Variants in ZNF184 observed in about 807,000 individuals in gnomAD.
ZNF184 encodes zinc finger protein 184 (Kruppel-like).
In ZNF184, 16 loss-of-function variants were observed where a neutral mutation model predicts 54.4. The ratio of observed to expected loss-of-function variants is 0.29; its 90% CI spans 0.20 to 0.45. The LOEUF is 0.45. Ranked by LOEUF, ZNF184 falls within the 20% of genes least tolerant of loss-of-function variation. The pLI is 1.00. For missense variants in ZNF184, 681 were observed against 888.2 expected, an observed-to-expected ratio of 0.77 and a Z score of 2.97; for synonymous variants, 254 against 295.3, an observed-to-expected ratio of 0.86 and a Z score of 1.43.
intron 3 of ZNF184, among the ~76,000 whole-genome samples, chr6:27,463,878 A>G (rs751587178): frequency 6.6e-6 from 1 of 151,986 alleles, no homozygotes; most frequent in Non-Finnish European, 1.5e-5. Flanking sequence ...CAGCAGACCT[A>G]CACTACAAGA....
In ZNF184 at chr6:27,472,095, T is replaced by G. The variant is rs1013770630; in HGVS notation, c.7+193A>C. On this transcript the variant is annotated intron_variant, in intron 2 of 5. Transcript: ENST00000683788. This position sits in a 1 kb window ranked among gnomAD's most constrained non-coding sequence, Gnocchi z 4.8. The stretch of plus-strand genomic sequence containing the variant: ...TCCCCAATGGAACGAAAGAAAAAAA[T>G]AAACTCCTCTCCCAAGTATCTCTCT... Among the ~76,000 whole-genome samples, 35 of 152,124 alleles carry G rather than the reference T, an allele frequency of 2.3e-4. No individual in the cohort carries two copies. Among genetic ancestry groups the G allele is most frequent in the African/African-American group, 8.2e-4 (34 of 41,434 alleles).
chr6:27,459,827 AGTT>A (rs1762953540), intron 3 of ZNF184, among the ~76,000 whole-genome samples: 1 of 152,244 alleles, frequency 6.6e-6, no homozygotes, highest in Non-Finnish European at 1.5e-5. Flanking sequence ...TTATATAGAT[AGTT>A]ATCAAATGAT....
chr6:27,433,642 C>T, the ZNF184 span, among the ~76,000 whole-genome samples: 2,593 of 152,318 alleles, frequency 0.017, 45 homozygotes, highest in African/African-American at 0.045. Flanking sequence ...TTTCAAGGTT[C>T]ATTCATGTTG....
the ZNF184 span, among the ~76,000 whole-genome samples, chr6:27,426,072 T>C: frequency 5.3e-5 from 8 of 152,172 alleles, no homozygotes; most frequent in East Asian, 1.5e-3. The surrounding 1 kb of genome is among the most constrained non-coding windows in gnomAD (Gnocchi z 4.2). Context: ...ATCTGGCTCT[T>C]GTACCCCTTA....
the ZNF184 span, among the ~76,000 whole-genome samples, chr6:27,418,102 T>C: frequency 6.6e-6 from 1 of 152,220 alleles, no homozygotes; most frequent in African/African-American, 2.4e-5. Context: ...TTTTGCTGAA[T>C]GCTAATGGAG....
the ZNF184 span, among the ~76,000 whole-genome samples, chr6:27,410,925 A>G: frequency 6.0e-4 from 92 of 152,346 alleles, 1 homozygote; most frequent in Non-Finnish European, 8.7e-4. Context: ...GAGAGATGGT[A>G]GGCAGAAACT....
At chr6:27,464,444 T>A (rs1156486987) in intron 3 of ZNF184, among the ~76,000 whole-genome samples, 3 of 151,776 alleles carry the variant, frequency 2.0e-5, no homozygotes. Flanking sequence ...AAAACAAATA[T>A]GAATCCCTAA....
At chr6:27,467,265 G>A (rs892987897) in intron 3 of ZNF184, among the ~76,000 whole-genome samples, 4 of 151,990 alleles carry the variant, frequency 2.6e-5, no homozygotes, top group African/African-American at 9.7e-5. Context: ...ACATTTACCT[G>A]TTTTATTTTC....
In ZNF184 at chr6:27,451,182, T is replaced by C. The variant is rs1439778088; in HGVS notation, c.*121A>G. Reference sequence around the variant, plus strand: ...CCAATGTACTTTCCATTCCATAACATGATAGTGAAAATTTAAAAGATTTCA... The same window carrying C: ...CCAATGTACTTTCCATTCCATAACACGATAGTGAAAATTTAAAAGATTTCA... On this transcript the variant is annotated 3_prime_UTR_variant, in exon 6 of 6. Coordinates refer to ENST00000683788, the MANE Select transcript of ZNF184 (RefSeq NM_001318891.2). 1.7e-6 allele frequency: 2 copies of C among 1,210,262 alleles called. No individual in the cohort carries two copies. Among genetic ancestry groups the C allele is most frequent in the East Asian group, 2.4e-5 (1 of 42,122 alleles). 75.0% of individuals were successfully genotyped at this position (1,210,262 alleles called of 1,614,324 possible).
the ZNF184 span, among the ~76,000 whole-genome samples, chr6:27,417,969 G>A: frequency 6.6e-6 from 1 of 152,088 alleles, no homozygotes; most frequent in Non-Finnish European, 1.5e-5. Context: ...ACCAAGTTTC[G>A]TGGGCTGTGA....
chr6:27,409,774 A>G, the ZNF184 span, among the ~76,000 whole-genome samples: 1 of 152,314 alleles, frequency 6.6e-6, no homozygotes, highest in East Asian at 1.9e-4. Context: ...TACAGTGTTT[A>G]TAAAGTCTAC....
chr6:27,428,205 A>T, the ZNF184 span, among the ~76,000 whole-genome samples: 1 of 152,076 alleles, frequency 6.6e-6, no homozygotes, highest in Non-Finnish European at 1.5e-5. This position sits in a 1 kb window ranked among gnomAD's most constrained non-coding sequence, Gnocchi z 4.1. Context: ...AAACAATATA[A>T]CCCAAGCTCT....
chr6:27,421,681 A>G, the ZNF184 span, among the ~76,000 whole-genome samples: 2 of 152,214 alleles, frequency 1.3e-5, no homozygotes, highest in Non-Finnish European at 2.9e-5. Context: ...CTATATGACA[A>G]CCCAGCTAAT....
chr6:27,414,314 G>T, the ZNF184 span, among the ~76,000 whole-genome samples: 5,425 of 152,230 alleles, frequency 0.036, 202 homozygotes, highest in African/African-American at 0.094. Context: ...GTAGCCAGAA[G>T]AATCCTTTTT....
chr6:27,442,802 GAGAA>G, the ZNF184 span, among the ~76,000 whole-genome samples: 15 of 91,036 alleles, frequency 1.6e-4, 1 homozygote, highest in South Asian at 3.3e-3. Flanking sequence ...AAGAAAGAAA[GAGAA>G]AGAAAGAGAA....
downstream of ZNF184, among the ~76,000 whole-genome samples, chr6:27,447,052 G>A (rs1384412175): frequency 1.4e-5 from 2 of 144,726 alleles, no homozygotes; most frequent in African/African-American, 5.2e-5. Context: ...GGCTGAGGCA[G>A]GAGATTGTGC....
chr6:27,429,517 G>A, the ZNF184 span, among the ~76,000 whole-genome samples: 5,588 of 152,116 alleles, frequency 0.037, 219 homozygotes, highest in African/African-American at 0.098. Flanking sequence ...AGCTTCTTGC[G>A]GGCTGAGCTC....
intron 3 of ZNF184, among the ~76,000 whole-genome samples, chr6:27,466,158 G>C (rs886584143): frequency 1.3e-5 from 2 of 151,628 alleles, no homozygotes; most frequent in African/African-American, 2.4e-5. Context: ...GAGAGAGAGA[G>C]AGAGAGAGAG....
At chr6:27,446,550 A>ACAGC (rs1430590962), downstream of ZNF184, among the ~76,000 whole-genome samples, 26 of 152,342 alleles carry the variant, frequency 1.7e-4, no homozygotes, top group Admixed American at 5.9e-4. Context: ...GTGCAGGGAC[A>ACAGC]CAGCCACTGC....
Sources: gnomAD v4.1 joint callset for allele counts (sites outside exome capture counted in the v4.1 genomes callset) on GRCh38, gnomAD v4.1.1 for gene constraint, Gnocchi (gnomAD v3.1) non-coding constraint, MANE v1.5 for transcripts, NCBI Gene and HGNC (gene_info 2026-07-23, HGNC 2026-07-21) for gene names.